CFAP299: variants seen among roughly 807,000 people sequenced by gnomAD.
CFAP299 encodes cilia- and flagella-associated protein 299.
Under a neutral mutation model 27.0 loss-of-function variants are expected in CFAP299, and 21 were observed. The ratio of observed to expected loss-of-function variants is 0.78; its 90% CI spans 0.55 to 1.12. The LOEUF (loss-of-function observed/expected upper bound fraction) is 1.12. Among genes scored for constraint, CFAP299 ranks in the 50% most tolerant of loss-of-function variants. The probability of loss-of-function intolerance (pLI) is 0.00; values close to 1 mark genes in which losing one functional copy is unlikely to be tolerated. For synonymous variants in CFAP299, 104 were observed against 98.1 expected (o/e 1.06, Z -0.36); for missense variants, 310 against 276.6 (o/e 1.12, Z -0.86).
intron 1 of CFAP299, among the ~76,000 whole-genome samples, chr4:80,347,794 A>G (rs1490290486): frequency 6.6e-6 from 1 of 152,204 alleles, no homozygotes; most frequent in Admixed American, 6.5e-5. Context: ...TAAAAAACAT[A>G]TAGAACCAAA....
intron 2 of CFAP299, among the ~76,000 whole-genome samples, chr4:80,413,027 G>T (rs754894824): frequency 1.6e-4 from 25 of 152,136 alleles, no homozygotes; most frequent in Non-Finnish European, 3.4e-4. Context: ...TTTTTGAATG[G>T]TAGCCTCATA....
chr4:80,460,342 C>T (rs1241284948), intron 2 of CFAP299, among the ~76,000 whole-genome samples: 1 of 152,154 alleles, frequency 6.6e-6, no homozygotes, highest in Non-Finnish European at 1.5e-5. Context: ...CAAATCTTCA[C>T]AAAAGGCAAC....
At chr4:80,900,373 A>C (rs1187187313) in intron 4 of CFAP299, among the ~76,000 whole-genome samples, 1 of 152,122 alleles carries the variant, frequency 6.6e-6, no homozygotes. Flanking sequence ...AAATAATATT[A>C]ACATAGCAAT....
intron 2 of CFAP299, among the ~76,000 whole-genome samples, chr4:80,416,510 A>C (rs1727015554): frequency 6.6e-6 from 1 of 152,150 alleles, no homozygotes; most frequent in Admixed American, 6.5e-5. Context: ...TGATATTGTA[A>C]ATCTATATAT....
chr4:80,805,730 T>C (rs1728829761), intron 3 of CFAP299, among the ~76,000 whole-genome samples: 1 of 152,016 alleles, frequency 6.6e-6, no homozygotes, highest in Non-Finnish European at 1.5e-5. Context: ...AATAAATAAC[T>C]GGGCTTGGTG....
At chr4:80,899,303 G>A (rs569286418) in intron 4 of CFAP299, among the ~76,000 whole-genome samples, 2 of 152,300 alleles carry the variant, frequency 1.3e-5, no homozygotes, top group East Asian at 3.9e-4. Context: ...GAGGTCTGTA[G>A]ATACAAGCCT....
chr4:80,534,316 GA>G (rs769690513), intron 2 of CFAP299, among the ~76,000 whole-genome samples: 9,017 of 109,214 alleles, frequency 0.083, 641 homozygotes, highest in African/African-American at 0.22. Flanking sequence ...TCACTCTGTG[GA>G]AAAAAAAAAA....
At chr4:80,586,244 CT>C (rs1389741426) in intron 3 of CFAP299, among the ~76,000 whole-genome samples, 5 of 151,866 alleles carry the variant, frequency 3.3e-5, no homozygotes, top group Admixed American at 2.0e-4. Context: ...TACATGACAA[CT>C]ATTTAATATA....
At chr4:80,897,743 G>A (rs1011541827) in intron 4 of CFAP299, among the ~76,000 whole-genome samples, 9 of 152,180 alleles carry the variant, frequency 5.9e-5, no homozygotes, top group African/African-American at 1.9e-4. Context: ...TGCCTTTTCT[G>A]TATAATCTAT....
intron 2 of CFAP299, among the ~76,000 whole-genome samples, chr4:80,485,121 A>C (rs1730743568): frequency 6.6e-6 from 1 of 151,968 alleles, no homozygotes; most frequent in African/African-American, 2.4e-5. Flanking sequence ...TCCTGATATG[A>C]TGCTTTATGT....
intron 2 of CFAP299, among the ~76,000 whole-genome samples, chr4:80,393,320 A>G (rs1392599984): frequency 6.6e-6 from 1 of 152,194 alleles, no homozygotes; most frequent in Admixed American, 6.5e-5. Context: ...ACAGTAAGCT[A>G]AGATTAATTT....
At chr4:80,663,705 C>T (rs183945509) in intron 3 of CFAP299, among the ~76,000 whole-genome samples, 66 of 152,246 alleles carry the variant, frequency 4.3e-4, no homozygotes, top group African/African-American at 1.5e-3. Flanking sequence ...CTTGAGGAAT[C>T]GCCACACTGT....
intron 3 of CFAP299, among the ~76,000 whole-genome samples, chr4:80,846,006 T>C (rs1320235798): frequency 1.3e-5 from 2 of 152,158 alleles, no homozygotes; most frequent in African/African-American, 2.4e-5. Flanking sequence ...ACTTATGTAT[T>C]TTGTCAATAA....
At chr4:80,877,678 A>G (rs951778470) in intron 4 of CFAP299, among the ~76,000 whole-genome samples, 2 of 152,242 alleles carry the variant, frequency 1.3e-5, no homozygotes, top group Non-Finnish European at 2.9e-5. Context: ...GGTCAAAAAT[A>G]CACAACATAA....
At chr4:80,741,742 G>C (rs1299525812) in intron 3 of CFAP299, among the ~76,000 whole-genome samples, 3 of 152,164 alleles carry the variant, frequency 2.0e-5, no homozygotes, top group Admixed American at 6.5e-5. Context: ...TTCTAAGCCA[G>C]TGTAGCACAA....
chr4:80,577,497 G>A (rs1735932226), intron 2 of CFAP299, among the ~76,000 whole-genome samples: 1 of 133,566 alleles, frequency 7.5e-6, no homozygotes, highest in Non-Finnish European at 1.5e-5. Flanking sequence ...CTGCCTCCCA[G>A]GTTCAAGCGA....
rs147326252 is a variant in CFAP299 at position 80,900,985 on chromosome 4, C to T, written c.476+30850C>T. Reference sequence around the variant, plus strand: ...TGCTAATCATTTTACTAAGTAACTACCATTTAGTCATGAAGTCAATTAAAA... The same window carrying T: ...TGCTAATCATTTTACTAAGTAACTATCATTTAGTCATGAAGTCAATTAAAA... On this transcript the variant is annotated intron_variant, in intron 4 of 5. Coordinates refer to ENST00000358105, the MANE Select transcript of CFAP299 (RefSeq NM_152770.3). 1.5e-4 allele frequency among the ~76,000 whole-genome samples: 23 copies of T among 152,034 alleles called. 1 individual carries two copies. Among genetic ancestry groups the T allele is most frequent in the African/African-American group, 5.5e-4 (23 of 41,486 alleles).
intron 4 of CFAP299, among the ~76,000 whole-genome samples, chr4:80,874,006 T>A (rs1733245558): frequency 6.6e-6 from 1 of 152,208 alleles, no homozygotes; most frequent in African/African-American, 2.4e-5. Context: ...ATGTTTAACG[T>A]TCCAAGCCCC....
At chr4:80,704,952 T>C (rs567229987) in intron 3 of CFAP299, among the ~76,000 whole-genome samples, 1 of 151,944 alleles carries the variant, frequency 6.6e-6, no homozygotes, top group South Asian at 2.1e-4. Flanking sequence ...CTCAGCCACA[T>C]TTTCTATGGA....
Sources: allele counts gnomAD v4.1 joint callset (sites outside exome capture counted in the v4.1 genomes callset), GRCh38; gene constraint gnomAD v4.1.1; transcripts MANE v1.5; gene names NCBI Gene and HGNC (gene_info 2026-07-23, HGNC 2026-07-21).